Variants in ATP6V0E2 observed in about 807,000 individuals in gnomAD.
The protein encoded by ATP6V0E2 is ATPase H+ transporting V0 subunit e2.
A neutral mutation model predicts 11.5 loss-of-function variants in ATP6V0E2; 4 were observed. That is an observed-to-expected ratio of 0.35 (90% confidence interval 0.17 to 0.80). ATP6V0E2 has a LOEUF of 0.80. Ranked by LOEUF, ATP6V0E2 falls within the 30% of genes least tolerant of loss-of-function variation. The pLI is 0.53. For synonymous variants in ATP6V0E2, 52 were observed against 51.0 expected (o/e 1.02, Z -0.09); for missense variants, 93 against 113.5 (o/e 0.82, Z 0.82).
rs779081359 is a variant in ATP6V0E2 at position 149,879,696 on chromosome 7, T to C, written c.*381T>C. 3 of 1,392,080 alleles carry C rather than the reference T, an allele frequency of 2.2e-6. No individual in the cohort carries two copies. Among genetic ancestry groups the C allele is most frequent in the South Asian group, 3.7e-5 (2 of 53,932 alleles). 86.2% of individuals were successfully genotyped at this position (1,392,080 alleles called of 1,614,324 possible). A position where few individuals can be genotyped will look rare whatever the true frequency, so the allele number is the denominator to read the frequency against. On this transcript the variant is annotated 3_prime_UTR_variant, in exon 4 of 4. Transcript: ENST00000425642. ...ATCCTGAGGAGGACACGTGTCCTCATGGAGAGGGTGCTCCGGCCCAGGCGG... is the reference window on the plus strand; with the variant it reads ...ATCCTGAGGAGGACACGTGTCCTCACGGAGAGGGTGCTCCGGCCCAGGCGG...
rs752208137 is a variant in ATP6V0E2, at chr7:149,874,022, C to G, written c.-44C>G. Reference sequence around the variant, plus strand: ...TGGGGACCCGCGCACCTGCAGCGCCCGCTGCTCGGCCCTGCATCCTGCCTG... The same window carrying G: ...TGGGGACCCGCGCACCTGCAGCGCCGGCTGCTCGGCCCTGCATCCTGCCTG... On this transcript the variant is annotated 5_prime_UTR_variant, in exon 1 of 4. Transcript: ENST00000425642. 9.7e-6 allele frequency: 15 copies of G among 1,548,030 alleles called. No homozygotes were observed. The South Asian group carries it at 1.5e-4, about 16-fold the overall frequency.
upstream of ATP6V0E2, chr7:149,873,910 G>A: frequency 1.3e-6 from 2 of 1,516,716 alleles, no homozygotes; most frequent in Non-Finnish European, 1.8e-6. Flanking sequence ...CGGCGGGCTG[G>A]ATCAGGAGAT....
upstream of ATP6V0E2, chr7:149,873,614 CG>C (rs934744041): frequency 5.4e-5 from 16 of 294,036 alleles, no homozygotes; most frequent in East Asian, 6.7e-4. Context: ...AGGTTCGGGG[CG>C]GCCCAGGCTG....
intron 1 of ATP6V0E2, 71 bp from the exon 2 acceptor site, chr7:149,875,527 G>A: frequency 3.3e-6 from 5 of 1,507,984 alleles, no homozygotes; most frequent in Non-Finnish European, 4.6e-6. Context: ...AGCTCTTCTT[G>A]CTCTGGTCCT....
At chr7:149,879,153 C>G in intron 3 of ATP6V0E2, 182 bp from the exon 4 acceptor site, 1 of 1,400,092 alleles carries the variant, frequency 7.1e-7, no homozygotes, top group Non-Finnish European at 9.2e-7. Context: ...ACCCCCCTCC[C>G]CCATCCTCAC....
chr7:149,874,256 G>A, intron 1 of ATP6V0E2, 87 bp downstream of exon 1: 1 of 1,440,658 alleles, frequency 6.9e-7, no homozygotes, highest in Non-Finnish European at 9.2e-7. Context: ...GCGGCTTCCT[G>A]CTCTGCAGCG....
chr7:149,874,131 C>T lies in ATP6V0E2; in HGVS notation c.66C>T (p.Ile22=), dbSNP rs748211061. 3.9e-6 allele frequency: 6 copies of T among 1,549,786 alleles called. No individual in the cohort carries two copies. The African/African-American group carries it at 5.5e-5, about 14-fold the overall frequency. ...CCACGTTCTGGGGCCTCGTCGGCAT[C>T]GCCGGGCCCTGGTTCGTGCCGAAGG... ...IFTTFWGLVG[I]AGPWFVPKGP... is the part of the protein sequence containing the mutation. Residue 22 remains isoleucine, a synonymous_variant, in exon 1 of 4, where the codon ATC becomes ATT. Coordinates refer to ENST00000425642, the MANE Select transcript of ATP6V0E2 (RefSeq NM_145230.4).
At chr7:149,878,608 A>T (rs907747308) in intron 2 of ATP6V0E2, 70 bp from the exon 3 acceptor site, 12 of 1,422,114 alleles carry the variant, frequency 8.4e-6, no homozygotes, top group Middle Eastern at 2.3e-4. Flanking sequence ...AAATAATATG[A>T]CCGAGGCCTC....
upstream of ATP6V0E2, chr7:149,873,925 G>A: frequency 3.3e-6 from 5 of 1,525,422 alleles, no homozygotes; most frequent in Non-Finnish European, 4.4e-6. Context: ...GGAGATGCGC[G>A]TGCGCGGCCC....
chr7:149,879,547 A>C lies in ATP6V0E2; in HGVS notation c.*232A>C. 2 of 1,557,514 alleles carry C rather than the reference A, an allele frequency of 1.3e-6. No individual in the cohort carries two copies. The highest frequency in any genetic ancestry group is 1.7e-6 in the Non-Finnish European group (2 of 1,152,436). ...CCTGGGCACAGCAGCGGCCGAGGGGATGTCCTGCTCCAATACCCGCACTGC... is the reference window on the plus strand; with the variant it reads ...CCTGGGCACAGCAGCGGCCGAGGGGCTGTCCTGCTCCAATACCCGCACTGC... On this transcript the variant is annotated 3_prime_UTR_variant, in exon 4 of 4. Coordinates refer to ENST00000425642, the MANE Select transcript of ATP6V0E2 (RefSeq NM_145230.4).
chr7:149,875,549 G>A (rs1392922051), intron 1 of ATP6V0E2, 49 bp from the exon 2 acceptor site: 4 of 1,603,234 alleles, frequency 2.5e-6, no homozygotes, highest in South Asian at 1.1e-5. Context: ...GCCAGGCCTT[G>A]TGAGGTGCTG....
chr7:149,879,521 C>T lies in ATP6V0E2; in HGVS notation c.*206C>T. ...CCCAGCCAGCCCGGGCCCTGGGGAG[C>T]CCTGGGCACAGCAGCGGCCGAGGGG... On this transcript the variant is annotated 3_prime_UTR_variant, in exon 4 of 4. Transcript: ENST00000425642. 6.3e-7 allele frequency: 1 copy of T among 1,580,358 alleles called. No individual in the cohort carries two copies. Among genetic ancestry groups the T allele is most frequent in the Admixed American group, 1.8e-5 (1 of 55,426 alleles).
chr7:149,874,029 C>G lies in ATP6V0E2; in HGVS notation c.-37C>G, dbSNP rs1711722263. On this transcript the variant is annotated 5_prime_UTR_variant, in exon 1 of 4. Coordinates refer to ENST00000425642, the MANE Select transcript of ATP6V0E2 (RefSeq NM_145230.4). Reference sequence around the variant, plus strand: ...CCGCGCACCTGCAGCGCCCGCTGCTCGGCCCTGCATCCTGCCTGGGCATCC... The same window carrying G: ...CCGCGCACCTGCAGCGCCCGCTGCTGGGCCCTGCATCCTGCCTGGGCATCC... 1.9e-6 allele frequency: 3 copies of G among 1,548,720 alleles called. No individual in the cohort carries two copies. Among genetic ancestry groups the G allele is most frequent in the East Asian group, 2.4e-5 (1 of 40,850 alleles).
Position 149,879,991 on chromosome 7 carries a change from A to G in ATP6V0E2, c.*676A>G, listed in dbSNP as rs1406442599. 3 of 233,694 alleles carry G rather than the reference A, an allele frequency of 1.3e-5. No individual in the cohort carries two copies. Among genetic ancestry groups the G allele is most frequent in the East Asian group, 1.6e-4 (2 of 12,260 alleles). 14.5% of individuals were successfully genotyped at this position (233,694 alleles called of 1,614,324 possible). The stretch of plus-strand genomic sequence containing the variant: ...TCCTGTTCCGCCTCCTGCCACCTGG[A>G]CCTCCCTCAGTGGATGTCTTCCCTC... On this transcript the variant is annotated 3_prime_UTR_variant, in exon 4 of 4. Coordinates refer to ENST00000425642, the MANE Select transcript of ATP6V0E2 (RefSeq NM_145230.4).
rs1467395486 is a variant in ATP6V0E2 at position 149,874,004 on chromosome 7, C to T, written c.-62C>T. 165 of 1,546,184 alleles carry T rather than the reference C, an allele frequency of 1.1e-4. 2 individuals carry two copies. In the East Asian group the frequency reaches 4.0e-3, roughly 38 times the overall value. On this transcript the variant is annotated 5_prime_UTR_variant, in exon 1 of 4. Coordinates refer to ENST00000425642, the MANE Select transcript of ATP6V0E2 (RefSeq NM_145230.4). The stretch of plus-strand genomic sequence containing the variant: ...CTCAGCGCGCTGCCCGGCTGGGGAC[C>T]CGCGCACCTGCAGCGCCCGCTGCTC...
intron 1 of ATP6V0E2, 82 bp from the exon 2 acceptor site, chr7:149,875,513 CAGG>C (rs1408774516): frequency 3.7e-6 from 5 of 1,355,628 alleles, no homozygotes; most frequent in Non-Finnish European, 3.2e-6. Flanking sequence ...GAGCTCACAC[CAGG>C]AGCTCTTCTT....
chr7:149,873,809 C>A, upstream of ATP6V0E2: 1 of 1,410,476 alleles, frequency 7.1e-7, no homozygotes, highest in Non-Finnish European at 9.3e-7. Context: ...AACCGGGCGG[C>A]CGCGCCCCTA....
intron 1 of ATP6V0E2, 46 bp downstream of exon 1, chr7:149,874,215 C>T (rs1260728342): frequency 5.3e-6 from 8 of 1,508,466 alleles, no homozygotes; most frequent in South Asian, 3.8e-5. Context: ...CCCCGGCCCC[C>T]TGGCCCGGCT....
intron 2 of ATP6V0E2, 75 bp from the exon 3 acceptor site, chr7:149,878,603 A>G: frequency 7.2e-7 from 1 of 1,381,622 alleles, no homozygotes; most frequent in Non-Finnish European, 9.9e-7. Context: ...ATCCAAAATA[A>G]TATGACCGAG....
Sources: gnomAD v4.1 joint callset for allele counts on GRCh38, gnomAD v4.1.1 for gene constraint, MANE v1.5 for transcripts, NCBI Gene and HGNC (gene_info 2026-07-23, HGNC 2026-07-21) for gene names.